Variants in ZNRF2 observed in about 807,000 individuals in gnomAD.
ZNRF2 encodes the protein zinc and ring finger 2.
ZNRF2 carries 16 observed loss-of-function variants against 20.4 expected under a neutral mutation model. The observed-to-expected ratio is 0.79, with a 90% CI of 0.53 to 1.19. ZNRF2 has a LOEUF of 1.19. ZNRF2 is among the 50% of genes most tolerant of loss of function. The probability of loss-of-function intolerance (pLI) is 0.00; values close to 1 mark genes in which losing one functional copy is unlikely to be tolerated. For synonymous variants in ZNRF2, 178 were observed against 144.9 expected (o/e 1.23, Z -1.64); for missense variants, 363 against 332.4 (o/e 1.09, Z -0.72).
intron 2 of ZNRF2, among the ~76,000 whole-genome samples, chr7:30,348,431 G>A (rs1799911277): frequency 6.6e-6 from 1 of 152,102 alleles, no homozygotes; most frequent in African/African-American, 2.4e-5. Flanking sequence ...AATCTACAAG[G>A]TCCCCTGCCC....
intron 1 of ZNRF2, among the ~76,000 whole-genome samples, chr7:30,295,014 G>GGA (rs1161510140): frequency 0.016 from 396 of 25,056 alleles, 18 homozygotes; most frequent in South Asian, 0.026. Context: ...AGGGAGGGAA[G>GGA]GAGAGAGAGA....
At chr7:30,316,511 G>T (rs998467108) in intron 1 of ZNRF2, among the ~76,000 whole-genome samples, 2 of 152,038 alleles carry the variant, frequency 1.3e-5, no homozygotes, top group Non-Finnish European at 2.9e-5. Flanking sequence ...TAGCTATTTA[G>T]CCTGGTAAAA....
intron 3 of ZNRF2, among the ~76,000 whole-genome samples, chr7:30,361,044 A>G (rs979965865): frequency 2.0e-5 from 3 of 152,208 alleles, no homozygotes; most frequent in Non-Finnish European, 4.4e-5. Flanking sequence ...GTTTTAAATG[A>G]TTACTTTCTC....
At chr7:30,294,690 CAGG>C (rs1454655608) in intron 1 of ZNRF2, among the ~76,000 whole-genome samples, 2 of 151,864 alleles carry the variant, frequency 1.3e-5, no homozygotes, top group Non-Finnish European at 2.9e-5. Context: ...GGTGCTGAGG[CAGG>C]AGAATTGCTT....
At chr7:30,334,448 C>T (rs1258476033) in intron 2 of ZNRF2, among the ~76,000 whole-genome samples, 2 of 152,034 alleles carry the variant, frequency 1.3e-5, no homozygotes, top group Non-Finnish European at 1.5e-5. Context: ...GCATTGTTCT[C>T]TTTGCTTAGG....
intron 3 of ZNRF2, among the ~76,000 whole-genome samples, chr7:30,360,166 G>A (rs2127957613): frequency 6.6e-6 from 1 of 152,280 alleles, no homozygotes; most frequent in Non-Finnish European, 1.5e-5. Context: ...AAGTCCAGAA[G>A]GCAATAAAGA....
At position 30,295,017 on chromosome 7, in the gene ZNRF2, GAGA is replaced by G. The variant is rs1798987938; in HGVS notation, c.469+9192_469+9194del. ...ACAGAGAGAGAGAGGGAGGGAAGGAGAGAGAGAGAGAGAGAGAGAGAGAGAGAG... is the reference window on the plus strand; with the variant it reads ...ACAGAGAGAGAGAGGGAGGGAAGGAGGAGAGAGAGAGAGAGAGAGAGAGAG... On this transcript the variant is annotated intron_variant, in intron 1 of 4. Transcript: ENST00000323037. Among the ~76,000 whole-genome samples, 204 of 61,178 alleles carry G rather than the reference GAGA, an allele frequency of 3.3e-3. 6 individuals are homozygous for G. The highest frequency in any genetic ancestry group is 0.013 in the African/African-American group (197 of 14,730). 40.1% of individuals were successfully genotyped at this position (61,178 alleles called of 152,430 possible).
chr7:30,287,819 A>G (rs370302724), intron 1 of ZNRF2, among the ~76,000 whole-genome samples: 3,310 of 144,166 alleles, frequency 0.023, 94 homozygotes, highest in African/African-American at 0.072. Context: ...GTGCATTTAG[A>G]ACGGTTTTAG....
intron 3 of ZNRF2, among the ~76,000 whole-genome samples, chr7:30,356,564 GA>G (rs1800041900): frequency 6.6e-6 from 1 of 151,856 alleles, no homozygotes; most frequent in Admixed American, 6.6e-5. Context: ...TAAAAGGATA[GA>G]AAACTATATC....
chr7:30,284,696 C>T lies in ZNRF2; in HGVS notation c.-662C>T, dbSNP rs1276844966. On this transcript the variant is annotated 5_prime_UTR_variant, in exon 1 of 5. Coordinates refer to ENST00000323037, the MANE Select transcript of ZNRF2 (RefSeq NM_147128.4). ...CCCATCTGCGCACCCCCCGCCTTCG[C>T]GGCCCAGATCCTCCCGCCAGCCCGG... is the stretch of plus-strand genomic sequence containing the variant. 1.2e-5 allele frequency: 2 copies of T among 161,618 alleles called. No individual in the cohort carries two copies. Among genetic ancestry groups the T allele is most frequent in the Non-Finnish European group, 2.7e-5 (2 of 72,828 alleles). 10.0% of individuals were successfully genotyped at this position (161,618 alleles called of 1,614,324 possible).
chr7:30,306,506 T>A (rs1403985954), intron 1 of ZNRF2, among the ~76,000 whole-genome samples: 1 of 152,144 alleles, frequency 6.6e-6, no homozygotes, highest in African/African-American at 2.4e-5. Context: ...GCGTCACTGT[T>A]CATTTGTTTA....
chr7:30,363,120 C>CAA (rs201427219), intron 4 of ZNRF2, among the ~76,000 whole-genome samples: 1 of 150,600 alleles, frequency 6.6e-6, no homozygotes, highest in African/African-American at 2.4e-5. Flanking sequence ...GTCTCCTTCT[C>CAA]AAAAAAAACA....
rs540197565 is a variant in ZNRF2 at position 30,360,232 on chromosome 7, A to AT, written c.672-2139dup. Among the ~76,000 whole-genome samples the AT allele has an allele frequency of 3.3e-4, 50 of 152,272 alleles. No individual in the cohort carries two copies. The South Asian group carries it at 8.3e-3, about 25-fold the overall frequency. On this transcript the variant is annotated intron_variant, in intron 3 of 4. Transcript: ENST00000323037. ...CTTTCATTGAGAAAGCCTTGCTGTG[A>AT]TTTTTTAAAGTCATTTGAAACAGTG... is the stretch of plus-strand genomic sequence containing the variant.
chr7:30,365,387 A>T (rs1226172399), intron 4 of ZNRF2, among the ~76,000 whole-genome samples: 1 of 152,044 alleles, frequency 6.6e-6, no homozygotes, highest in Non-Finnish European at 1.5e-5. Context: ...TAGAACCTGA[A>T]TTTGAAACTA....
At chr7:30,358,498 T>C (rs1334107742) in intron 3 of ZNRF2, among the ~76,000 whole-genome samples, 1 of 148,752 alleles carries the variant, frequency 6.7e-6, no homozygotes, top group Non-Finnish European at 1.5e-5. Flanking sequence ...GATTGATCTA[T>C]ATAGTTAATA....
chr7:30,355,922 A>G (rs1023802613), intron 3 of ZNRF2, 89 bp downstream of exon 3: 15 of 872,880 alleles, frequency 1.7e-5, no homozygotes, highest in East Asian at 1.1e-4. Context: ...CTTCGTTGAA[A>G]CCACCCCCTC....
At chr7:30,359,830 GTTAT>G (rs1800099278) in intron 3 of ZNRF2, among the ~76,000 whole-genome samples, 1 of 152,136 alleles carries the variant, frequency 6.6e-6, no homozygotes, top group Non-Finnish European at 1.5e-5. Context: ...ATAAAACTGT[GTTAT>G]TTGAGTAGTC....
intron 2 of ZNRF2, among the ~76,000 whole-genome samples, chr7:30,340,347 C>T (rs1051143158): frequency 6.6e-6 from 1 of 152,098 alleles, no homozygotes; most frequent in African/African-American, 2.4e-5. Flanking sequence ...GGAATGCTTC[C>T]AGCTTTTGCC....
At position 30,317,153 on chromosome 7, in the gene ZNRF2, C is replaced by G. The variant is rs145786521; in HGVS notation, c.470-6489C>G. On this transcript the variant is annotated intron_variant, in intron 1 of 4. Coordinates refer to ENST00000323037, the MANE Select transcript of ZNRF2 (RefSeq NM_147128.4). ...GCCTTTAATTGTGCCATTCTTGCCT[C>G]TAGAACTGAGGCCAACTGTATAGTT... is the stretch of plus-strand genomic sequence containing the variant. Among the ~76,000 whole-genome samples, 79 of 152,288 alleles carry G rather than the reference C, an allele frequency of 5.2e-4. 1 individual carries two copies. The highest frequency in any genetic ancestry group is 1.8e-3 in the African/African-American group (73 of 41,552).
Sources: gnomAD v4.1 joint callset for allele counts (sites outside exome capture counted in the v4.1 genomes callset) on GRCh38, gnomAD v4.1.1 for gene constraint, MANE v1.5 for transcripts, NCBI Gene and HGNC (gene_info 2026-07-23, HGNC 2026-07-21) for gene names.